The following LRBA variants were observed in gnomAD, a reference collection of about 807,000 sequenced individuals.
The protein encoded by LRBA is LPS responsive beige-like anchor protein.
In LRBA, 176 loss-of-function variants were observed where a neutral mutation model predicts 330.0. The observed-to-expected ratio is 0.53, with a 90% CI of 0.47 to 0.60. The LOEUF is 0.60. LRBA is among the 20% of genes least tolerant of loss of function. The pLI, the probability that LRBA is intolerant of heterozygous loss-of-function variation, is 0.00. For synonymous variants in LRBA, 1,230 were observed against 1,193.0 expected (o/e 1.03, Z -0.64); for missense variants, 3,259 against 3,444.8 (o/e 0.95, Z 1.35).
At chr4:150,319,474 GT>G (rs1732190066) in intron 50 of LRBA, among the ~76,000 whole-genome samples, 1 of 152,002 alleles carries the variant, frequency 6.6e-6, no homozygotes, top group Non-Finnish European at 1.5e-5. Flanking sequence ...TCTAAAAAGT[GT>G]TTAGAGAAAC....
At chr4:150,965,716 T>C (rs1738805617) in intron 2 of LRBA, among the ~76,000 whole-genome samples, 1 of 151,924 alleles carries the variant, frequency 6.6e-6, no homozygotes, top group Non-Finnish European at 1.5e-5. Flanking sequence ...ATTTTTTTTT[T>C]TTTTTTTAAT....
intron 2 of LRBA, among the ~76,000 whole-genome samples, chr4:150,949,161 G>A (rs1029758240): frequency 1.3e-5 from 2 of 151,904 alleles, no homozygotes; most frequent in African/African-American, 4.8e-5. Context: ...CAGTAGTTTT[G>A]TTGGTAATAG....
At chr4:150,750,922 A>G (rs1380917774) in intron 35 of LRBA, among the ~76,000 whole-genome samples, 1 of 151,986 alleles carries the variant, frequency 6.6e-6, no homozygotes, top group Admixed American at 6.6e-5. Context: ...TTAAAAAAAA[A>G]AAAAAAGGAC....
chr4:150,969,330 T>C (rs1330444388), intron 2 of LRBA, among the ~76,000 whole-genome samples: 5 of 152,246 alleles, frequency 3.3e-5, no homozygotes, highest in African/African-American at 1.2e-4. Context: ...GAAAACCTTC[T>C]GAAAATGATT....
intron 4 of LRBA, among the ~76,000 whole-genome samples, chr4:150,927,334 C>T (rs977644000): frequency 2.0e-5 from 3 of 149,278 alleles, no homozygotes; most frequent in Non-Finnish European, 4.4e-5. Context: ...GATCATGGCA[C>T]TGCACTCCAG....
rs544063669 is a variant in LRBA, at chr4:150,991,686, G to C, written c.216+22741C>G. Among the ~76,000 whole-genome samples the C allele has an allele frequency of 3.9e-5, 6 of 152,206 alleles. No individual in the cohort carries two copies. In the South Asian group the frequency reaches 1.2e-3, roughly 32 times the overall value. On this transcript the variant is annotated intron_variant, in intron 2 of 56. Transcript: ENST00000651943. ...GGAAGAGAGAAATGACTACAAAGGG[G>C]TAAAAGGGAACTTTTTGAGGTGGGG...
At chr4:150,798,873 T>C (rs977218583) in intron 33 of LRBA, among the ~76,000 whole-genome samples, 9 of 152,158 alleles carry the variant, frequency 5.9e-5, no homozygotes, top group African/African-American at 2.2e-4. Flanking sequence ...TTAAATTGCA[T>C]TACTAGTAAT....
Position 150,850,219 on chromosome 4 carries a change from G to A in LRBA, c.4004+505C>T, listed in dbSNP as rs572533886. 2.3e-3 allele frequency among the ~76,000 whole-genome samples: 353 copies of A among 151,674 alleles called. 1 individual carries two copies. The highest frequency in any genetic ancestry group is 8.0e-3 in the African/African-American group (332 of 41,324). On this transcript the variant is annotated intron_variant, in intron 24 of 56. Transcript: ENST00000651943. ...CACCATTCTCCTACCTCAGCCTCCT[G>A]AGTAGCTGGGACTACAGACGCCCGC...
At chr4:150,791,974 A>G (rs773215786) in intron 34 of LRBA, among the ~76,000 whole-genome samples, 2 of 139,508 alleles carry the variant, frequency 1.4e-5, no homozygotes, top group Non-Finnish European at 3.0e-5. Flanking sequence ...GGTTGCAGTG[A>G]GCAGAAATCG....
rs995250230 is a variant in LRBA at position 150,487,264 on chromosome 4, T to TTA, written c.6551+466_6551+467dup. Among the ~76,000 whole-genome samples, 46 of 150,770 alleles carry TTA rather than the reference T, an allele frequency of 3.1e-4. 1 individual carries two copies. The highest frequency in any genetic ancestry group is 1.1e-3 in the Admixed American group (17 of 15,014). ...CACACATATACCATTATGATATATA[T>TTA]TATATATATATGTATCTTTGAAAAG... On this transcript the variant is annotated intron_variant, in intron 42 of 56. Coordinates refer to ENST00000651943, the MANE Select transcript of LRBA (RefSeq NM_001364905.1).
chr4:150,370,391 G>A (rs1406897762), intron 47 of LRBA, among the ~76,000 whole-genome samples: 2 of 152,084 alleles, frequency 1.3e-5, no homozygotes, highest in Non-Finnish European at 2.9e-5. Context: ...CAAAGACATA[G>A]AGGAATCTTA....
rs115700322 is a variant in LRBA at position 150,518,691 on chromosome 4, G to T, written c.6331-27656C>A. Among the ~76,000 whole-genome samples the T allele has an allele frequency of 9.2e-4, 140 of 152,150 alleles. 4 individuals carry two copies. Among genetic ancestry groups the T allele is most frequent in the African/African-American group, 3.3e-3 (138 of 41,490 alleles). On this transcript the variant is annotated intron_variant, in intron 40 of 56. Coordinates refer to ENST00000651943, the MANE Select transcript of LRBA (RefSeq NM_001364905.1). ...AATGTTTTACTCTTGTTTTCTATCA[G>T]GCACCAAATATTCAGGTGACTGATA...
intron 40 of LRBA, among the ~76,000 whole-genome samples, chr4:150,571,842 T>C (rs943727089): frequency 3.3e-5 from 5 of 151,642 alleles, no homozygotes; most frequent in Non-Finnish European, 5.9e-5. Flanking sequence ...AAACATTTAC[T>C]TTTCTGTTTT....
chr4:150,831,767 G>A lies in LRBA; in HGVS notation c.4729+50C>T, dbSNP rs772806650. On this transcript the variant is annotated intron_variant, in intron 29 of 56. Coordinates refer to ENST00000651943, the MANE Select transcript of LRBA (RefSeq NM_001364905.1). ...TCAATATTTTAACCATCAAAAGTAA[G>A]TAACATTTATTTGAACTTTGGTACA... The A allele has an allele frequency of 2.9e-6, 4 of 1,395,888 alleles. No homozygotes were observed. The Admixed American group carries it at 6.8e-5, about 24-fold the overall frequency. 86.5% of individuals were successfully genotyped at this position (1,395,888 alleles called of 1,614,324 possible). A position where few individuals can be genotyped will look rare whatever the true frequency, so the allele number is the denominator to read the frequency against.
intron 53 of LRBA, among the ~76,000 whole-genome samples, chr4:150,289,268 C>CA (rs1365352710): frequency 1.3e-5 from 2 of 152,032 alleles, no homozygotes; most frequent in Admixed American, 1.3e-4. Flanking sequence ...AATCATTTTT[C>CA]ACTCCACAGA....
chr4:150,888,164 A>G (rs1458428555), intron 17 of LRBA, among the ~76,000 whole-genome samples: 3 of 152,162 alleles, frequency 2.0e-5, no homozygotes, highest in Non-Finnish European at 4.4e-5. Flanking sequence ...GAAAGGAAAA[A>G]AATGATTACA....
At chr4:150,592,679 G>A (rs1456665348) in intron 38 of LRBA, among the ~76,000 whole-genome samples, 1 of 152,048 alleles carries the variant, frequency 6.6e-6, no homozygotes, top group African/African-American at 2.4e-5. Flanking sequence ...CTGTCACCCA[G>A]GCTGGAGTGC....
At chr4:150,475,940 G>T (rs750826887) in intron 42 of LRBA, among the ~76,000 whole-genome samples, 7 of 151,504 alleles carry the variant, frequency 4.6e-5, no homozygotes, top group Admixed American at 6.6e-5. Flanking sequence ...CAGGAAAAAA[G>T]ATTCTATATG....
At chr4:150,788,813 G>A (rs1385969189) in intron 34 of LRBA, among the ~76,000 whole-genome samples, 2 of 148,162 alleles carry the variant, frequency 1.3e-5, no homozygotes, top group Admixed American at 6.8e-5. Flanking sequence ...AGTGGCTCAC[G>A]CCTATAATCC....
Sources: gnomAD v4.1 joint callset for allele counts (sites outside exome capture counted in the v4.1 genomes callset) on GRCh38, gnomAD v4.1.1 for gene constraint, MANE v1.5 for transcripts, NCBI Gene and HGNC (gene_info 2026-07-23, HGNC 2026-07-21) for gene names.